The following GRIA1 variants were observed in gnomAD, a reference collection of about 807,000 sequenced individuals.
GRIA1 encodes glutamate receptor 1.
In GRIA1, 31 loss-of-function variants were observed where a neutral mutation model predicts 99.2. The observed-to-expected ratio is 0.31, with a 90% CI of 0.23 to 0.42. The LOEUF (loss-of-function observed/expected upper bound fraction) is 0.42, where lower values mean the gene tolerates loss of function less well. Among genes scored for constraint, GRIA1 ranks in the 10% least tolerant of loss-of-function variants. The pLI is 1.00. For missense variants in GRIA1, 782 were observed against 1,157.5 expected, an observed-to-expected ratio of 0.68 and a Z score of 4.71; for synonymous variants, 438 against 432.4, an observed-to-expected ratio of 1.01 and a Z score of -0.16.
intron 2 of GRIA1, among the ~76,000 whole-genome samples, chr5:153,526,437 A>G (rs1757605415): frequency 6.6e-6 from 1 of 152,200 alleles, no homozygotes; most frequent in Non-Finnish European, 1.5e-5. Context: ...CTATTATGCA[A>G]TGTTATGGTG....
At chr5:153,655,914 G>T (rs1275169859) in intron 5 of GRIA1, 42 bp downstream of exon 5, 2 of 1,580,926 alleles carry the variant, frequency 1.3e-6, no homozygotes, top group Non-Finnish European at 1.7e-6. Context: ...GTCCTTTCCA[G>T]GTTTGGGGCC....
chr5:153,518,080 G>T (rs924326427), intron 2 of GRIA1, among the ~76,000 whole-genome samples: 7 of 152,138 alleles, frequency 4.6e-5, no homozygotes, highest in Admixed American at 6.6e-5. Flanking sequence ...ATCATGGCTG[G>T]CTCTAGTTCA....
chr5:153,562,772 A>C (rs1761248272), intron 2 of GRIA1, among the ~76,000 whole-genome samples: 1 of 152,328 alleles, frequency 6.6e-6, no homozygotes, highest in African/African-American at 2.4e-5. Context: ...AAATATCTCA[A>C]GGTGTCATTA....
intron 2 of GRIA1, among the ~76,000 whole-genome samples, chr5:153,574,911 CTATGAG>C (rs1762402716): frequency 2.0e-5 from 3 of 152,192 alleles, no homozygotes; most frequent in South Asian, 4.1e-4. Context: ...CCTTGACAAA[CTATGAG>C]ATTTCTACCT....
At chr5:153,537,064 G>A (rs766176421) in intron 2 of GRIA1, among the ~76,000 whole-genome samples, 8 of 152,170 alleles carry the variant, frequency 5.3e-5, no homozygotes, top group Non-Finnish European at 7.3e-5. Flanking sequence ...TTGGTGGCCA[G>A]GGAACCCTGG....
intron 2 of GRIA1, among the ~76,000 whole-genome samples, chr5:153,625,220 A>G (rs1767480537): frequency 6.6e-6 from 1 of 152,148 alleles, no homozygotes; most frequent in South Asian, 2.1e-4. Flanking sequence ...CATGGGAGAA[A>G]CATAGCCCAG....
intron 11 of GRIA1, among the ~76,000 whole-genome samples, chr5:153,744,073 G>T (rs1433436965): frequency 6.6e-6 from 1 of 152,110 alleles, no homozygotes; most frequent in African/African-American, 2.4e-5. Context: ...AAGGTTCCTT[G>T]GTGCCTCTTT....
chr5:153,609,263 T>G (rs1765747035), intron 2 of GRIA1, among the ~76,000 whole-genome samples: 1 of 152,214 alleles, frequency 6.6e-6, no homozygotes, highest in South Asian at 2.1e-4. Flanking sequence ...CCTGCTATTC[T>G]TTGCTCTTTT....
chr5:153,713,069 C>T (rs555874724), intron 11 of GRIA1, among the ~76,000 whole-genome samples: 21 of 152,242 alleles, frequency 1.4e-4, no homozygotes, highest in African/African-American at 4.6e-4. Context: ...AGAAATGATG[C>T]TGAGTCAACA....
chr5:153,692,741 T>G (rs1581480198), intron 8 of GRIA1, among the ~76,000 whole-genome samples: 1 of 152,330 alleles, frequency 6.6e-6, no homozygotes, highest in Non-Finnish European at 1.5e-5. Flanking sequence ...ATTTGTATTT[T>G]TATTATATTC....
intron 13 of GRIA1, among the ~76,000 whole-genome samples, chr5:153,789,262 C>T (rs1372140783): frequency 6.6e-6 from 1 of 151,720 alleles, no homozygotes; most frequent in Non-Finnish European, 1.5e-5. Flanking sequence ...GGAACAAGTT[C>T]ATAATGGAAG....
At chr5:153,796,320 G>C (rs1338723662) in intron 14 of GRIA1, among the ~76,000 whole-genome samples, 1 of 152,070 alleles carries the variant, frequency 6.6e-6, no homozygotes, top group East Asian at 1.9e-4. Flanking sequence ...TGCTTCACGT[G>C]TTCCTTTAAA....
Position 153,655,841 on chromosome 5 carries a change from G to C in GRIA1, c.668G>C (p.Gly223Ala). 1 of 1,613,242 alleles carries C rather than the reference G, an allele frequency of 6.2e-7. No homozygotes were observed. Among genetic ancestry groups the C allele is most frequent in the Non-Finnish European group, 8.5e-7 (1 of 1,179,486 alleles). The change falls in exon 5 of 16, where the codon GGC becomes GCC. Residue 223 changes from glycine to alanine, a missense_variant. Gly to Ala is a moderately conservative substitution (Grantham distance 60). Around this residue, in one of 5 missense-constraint regions of GRIA1, gnomAD observed 461 missense variants for 521.7 expected, o/e 0.88. Coordinates refer to ENST00000285900, the MANE Select transcript of GRIA1 (RefSeq NM_000827.4). ...LGQIIKLEKN[G>A]IGYHYILANL... ...TAGATTATAAAGCTAGAGAAGAATG[G>C]CATCGGCTACCACTACATTCTTGCA...
rs532324928 is a variant in GRIA1 at position 153,730,306 on chromosome 5, C to T, written c.1823+24239C>T. Among the ~76,000 whole-genome samples the T allele has an allele frequency of 3.3e-5, 5 of 152,140 alleles. No individual in the cohort carries two copies. The South Asian group carries it at 8.3e-4, about 25-fold the overall frequency. On this transcript the variant is annotated intron_variant, in intron 11 of 15. Coordinates refer to ENST00000285900, the MANE Select transcript of GRIA1 (RefSeq NM_000827.4). ...CTCCAAGCTCCATGAAGGTAAGGAC[C>T]TTTCTGCCTTGCCCACCCCTATAAC...
chr5:153,732,959 GT>G (rs1290109777), intron 11 of GRIA1, among the ~76,000 whole-genome samples: 1 of 143,718 alleles, frequency 7.0e-6, no homozygotes, highest in Non-Finnish European at 1.5e-5. Flanking sequence ...TGGACATCTA[GT>G]TTTTCCAAGA....
intron 2 of GRIA1, among the ~76,000 whole-genome samples, chr5:153,615,394 C>A (rs1561692584): frequency 6.6e-6 from 1 of 152,212 alleles, no homozygotes; most frequent in African/African-American, 2.4e-5. Context: ...GTAACCCCAA[C>A]ACATTGGGAG....
At chr5:153,559,441 G>A (rs1475372293) in intron 2 of GRIA1, among the ~76,000 whole-genome samples, 1 of 152,146 alleles carries the variant, frequency 6.6e-6, no homozygotes, top group Non-Finnish European at 1.5e-5. Flanking sequence ...TCACTTTAAT[G>A]TCTCTTGCTT....
At chr5:153,558,254 C>T (rs1232227433) in intron 2 of GRIA1, among the ~76,000 whole-genome samples, 1 of 152,124 alleles carries the variant, frequency 6.6e-6, no homozygotes, top group Non-Finnish European at 1.5e-5. Context: ...GTATAATTTA[C>T]ATATAGTAAA....
At position 153,672,760 on chromosome 5, in the gene GRIA1, G is replaced by A. The variant is rs569048443; in HGVS notation, c.700-1740G>A. Among the ~76,000 whole-genome samples, 7 of 152,264 alleles carry A rather than the reference G, an allele frequency of 4.6e-5. No homozygotes were observed. The South Asian group carries it at 1.0e-3, about 23-fold the overall frequency. On this transcript the variant is annotated intron_variant, in intron 5 of 15. Transcript: ENST00000285900. ...CGCTGCTCTAATTCCTTGGCTCCCA[G>A]TTCAGAACTTCTCCATCGACCATGG...
Sources: gnomAD v4.1 joint callset for allele counts (sites outside exome capture counted in the v4.1 genomes callset) on GRCh38, gnomAD v4.1.1 for gene constraint, gnomAD v4.1.1 regional missense constraint, MANE v1.5 for transcripts, NCBI Gene and HGNC (gene_info 2026-07-23, HGNC 2026-07-21) for gene names.